Variants in PAQR9 observed in about 807,000 individuals in gnomAD.
The protein encoded by PAQR9 is progestin and adipoQ receptor family member 9.
A neutral mutation model predicts 24.0 loss-of-function variants in PAQR9; 12 were observed. That is an observed-to-expected ratio of 0.50 (90% CI 0.32 to 0.81). PAQR9 has a LOEUF of 0.81. Ranked by LOEUF, PAQR9 falls within the 30% of genes least tolerant of loss-of-function variation. PAQR9 has a pLI of 0.03. For missense variants in PAQR9, 418 were observed against 520.8 expected (o/e 0.80, Z 1.92); for synonymous variants, 266 against 237.6 (o/e 1.12, Z -1.10).
chr3:142,963,259 G>C lies in PAQR9; in HGVS notation c.78C>G (p.Ala26=), dbSNP rs1934947625. The part of the protein sequence containing the change: ...PAPAPAASGA[A]RNSHSAASRD... ...GGGAGGCGGCAGAGTGGGAGTTCCGGGCGGCCCCCGAAGCTGCCGGGGCCG... is the reference window on the plus strand; with the variant it reads ...GGGAGGCGGCAGAGTGGGAGTTCCGCGCGGCCCCCGAAGCTGCCGGGGCCG... The change falls in exon 1 of 1, where the codon GCC becomes GCG. Residue 26 remains alanine (A), a synonymous_variant. Transcript: ENST00000340634. 2.0e-6 allele frequency: 3 copies of C among 1,525,666 alleles called. No homozygotes were observed. Among genetic ancestry groups the C allele is most frequent in the Admixed American group, 2.0e-5 (1 of 49,478 alleles). 94.5% of individuals were successfully genotyped at this position (1,525,666 alleles called of 1,614,324 possible).
rs954823096 is a variant in PAQR9 at position 142,955,976 on chromosome 3, A to T, written c.*6227T>A. ...TTGAGTAAGAGCTCAAGGTGATTAA[A>T]CTCACCGGATAAAGATGAGTCTTTC... On this transcript the variant is annotated 3_prime_UTR_variant, in exon 1 of 1. Transcript: ENST00000340634. Among the ~76,000 whole-genome samples the T allele has an allele frequency of 5.3e-5, 8 of 152,110 alleles. No homozygotes were observed. The highest frequency in any genetic ancestry group is 1.2e-4 in the Non-Finnish European group (8 of 68,012).
rs1348428224 is a variant in PAQR9 at position 142,957,267 on chromosome 3, C to T, written c.*4936G>A. Among the ~76,000 whole-genome samples, 3 of 152,212 alleles carry T rather than the reference C, an allele frequency of 2.0e-5. No individual in the cohort carries two copies. Among genetic ancestry groups the T allele is most frequent in the Admixed American group, 6.5e-5 (1 of 15,280 alleles). ...AGAATTCCTTGCCTGTCTACTCGAA[C>T]ACTAACACCCTGGGAGTTCACATGC... On this transcript the variant is annotated 3_prime_UTR_variant, in exon 1 of 1. Transcript: ENST00000340634.
At chr3:142,949,730 GTC>G (rs1167741687), downstream of PAQR9, 3 of 152,146 alleles carry the variant, frequency 2.0e-5, no homozygotes, top group East Asian at 5.8e-4. Flanking sequence ...TAATTCAAAA[GTC>G]TTGTCTCTAT....
In PAQR9 at chr3:142,955,996, T is replaced by A. The variant is rs979456746; in HGVS notation, c.*6207A>T. Among the ~76,000 whole-genome samples the A allele has an allele frequency of 6.6e-6, 1 of 152,144 alleles. No individual in the cohort carries two copies. Among genetic ancestry groups the A allele is most frequent in the African/African-American group, 2.4e-5 (1 of 41,438 alleles). On this transcript the variant is annotated 3_prime_UTR_variant, in exon 1 of 1. Transcript: ENST00000340634. ...ATTAAACTCACCGGATAAAGATGAG[T>A]CTTTCCAAAAAGCTCTGGTTCTCAC...
chr3:142,951,785 G>C (rs1481172342), downstream of PAQR9: 3 of 456,474 alleles, frequency 6.6e-6, no homozygotes, highest in Non-Finnish European at 1.3e-5. Context: ...TTGATGTCAG[G>C]CATGAAAGTC....
upstream of PAQR9, chr3:142,963,987 C>G (rs1357209251): frequency 4.6e-6 from 3 of 648,824 alleles, no homozygotes; most frequent in Non-Finnish European, 5.7e-6. Context: ...CCGACAGCCA[C>G]GCGGGCGTTC....
chr3:142,950,844 AC>A (rs2108237117), downstream of PAQR9, among the ~76,000 whole-genome samples: 1 of 152,264 alleles, frequency 6.6e-6, no homozygotes, highest in South Asian at 2.1e-4. Context: ...GAAAGAGGAA[AC>A]CAAGCAGTGC....
At chr3:142,953,366 A>T (rs1433556312), downstream of PAQR9, among the ~76,000 whole-genome samples, 1 of 152,136 alleles carries the variant, frequency 6.6e-6, no homozygotes, top group African/African-American at 2.4e-5. Flanking sequence ...AGGGGACAAG[A>T]GTGCTTCGAT....
At position 142,956,090 on chromosome 3, in the gene PAQR9, C is replaced by A. The variant is rs1934787149; in HGVS notation, c.*6113G>T. ...ACTTTACAAATATAAAATTAAAATA[C>A]TTTTTTAAAAAATTTTCCCAGGAAT... On this transcript the variant is annotated 3_prime_UTR_variant, in exon 1 of 1. Transcript: ENST00000340634. 6.6e-6 allele frequency among the ~76,000 whole-genome samples: 1 copy of A among 152,124 alleles called. No individual in the cohort carries two copies. The highest frequency in any genetic ancestry group is 2.4e-5 in the African/African-American group (1 of 41,436).
chr3:142,954,533 G>A (rs758599607), downstream of PAQR9, among the ~76,000 whole-genome samples: 23 of 152,182 alleles, frequency 1.5e-4, no homozygotes, highest in Non-Finnish European at 3.1e-4. Context: ...GGAATACCCT[G>A]TTGCTGAAAG....
At position 142,962,864 on chromosome 3, in the gene PAQR9, T is replaced by C. The variant is rs760104597; in HGVS notation, c.473A>G (p.Tyr158Cys). 1 of 1,613,436 alleles carries C rather than the reference T, an allele frequency of 6.2e-7. No individual in the cohort carries two copies. Among genetic ancestry groups the C allele is most frequent in the Admixed American group, 1.7e-5 (1 of 60,010 alleles). Residue 158 changes from tyrosine to cysteine, a missense_variant, in exon 1 of 1, where the codon TAC becomes TGC. This residue lies in a region of PAQR9 where 230 missense variants were observed against 305.2 expected (regional missense o/e 0.75). Coordinates refer to ENST00000340634, the MANE Select transcript of PAQR9 (RefSeq NM_198504.4). ...GAAGCCGTAGTAGCTGATGGACGCG[T>C]AGTCCAGGTAGAAGAAGGCGGCGCG... is the stretch of plus-strand genomic sequence containing the variant. Reference protein sequence around the residue: ...RLRAAFFYLDYASISYYGFGS... With the variant: ...RLRAAFFYLDCASISYYGFGS...
At chr3:142,953,004 G>A (rs1156734205), downstream of PAQR9, among the ~76,000 whole-genome samples, 1 of 152,192 alleles carries the variant, frequency 6.6e-6, no homozygotes, top group Non-Finnish European at 1.5e-5. Context: ...AGCCCTCTTA[G>A]GAGTGGCCCT....
rs1934951680 is a variant in PAQR9, at chr3:142,963,372, C to T, written c.-36G>A. ...GCTCGGCTAGGGCGCGCGCAGGCGA[C>T]CTCTGGCGCCGGCTCCCGGGCGCTG... is the stretch of plus-strand genomic sequence containing the variant. On this transcript the variant is annotated 5_prime_UTR_variant, in exon 1 of 1. Coordinates refer to ENST00000340634, the MANE Select transcript of PAQR9 (RefSeq NM_198504.4). 32 of 1,171,624 alleles carry T rather than the reference C, an allele frequency of 2.7e-5. No individual in the cohort carries two copies. The highest frequency in any genetic ancestry group is 4.6e-5 in the Admixed American group (1 of 21,550). The allele number at this position is 1,171,624 out of a possible 1,614,324, so 72.6% of individuals were successfully genotyped here.
chr3:142,959,498 A>G lies in PAQR9; in HGVS notation c.*2705T>C, dbSNP rs536084686. On this transcript the variant is annotated 3_prime_UTR_variant, in exon 1 of 1. Coordinates refer to ENST00000340634, the MANE Select transcript of PAQR9 (RefSeq NM_198504.4). The stretch of plus-strand genomic sequence containing the variant: ...TTATTATATGTGGTCTACAAAATCT[A>G]AGATGGAATAGGAAAGAACAGTGGA... Among the ~76,000 whole-genome samples, 2 of 152,360 alleles carry G rather than the reference A, an allele frequency of 1.3e-5. No individual in the cohort carries two copies. Among genetic ancestry groups the G allele is most frequent in the South Asian group, 4.1e-4 (2 of 4,822 alleles).
In PAQR9 at chr3:142,958,437, T is replaced by C. The variant is rs1228258931; in HGVS notation, c.*3766A>G. On this transcript the variant is annotated 3_prime_UTR_variant, in exon 1 of 1. Transcript: ENST00000340634. Reference sequence around the variant, plus strand: ...CTTAATCCTGTCACCTTGGACCAACTATAAAGCTTTGAAATGGAGATAACT... The same window carrying C: ...CTTAATCCTGTCACCTTGGACCAACCATAAAGCTTTGAAATGGAGATAACT... Among the ~76,000 whole-genome samples, 1 of 152,244 alleles carries C rather than the reference T, an allele frequency of 6.6e-6. No individual in the cohort carries two copies. Among genetic ancestry groups the C allele is most frequent in the Non-Finnish European group, 1.5e-5 (1 of 68,040 alleles).
chr3:142,963,086 G>A lies in PAQR9; in HGVS notation c.251C>T (p.Thr84Met). 1 of 1,614,096 alleles carries A rather than the reference G, an allele frequency of 6.2e-7. No individual in the cohort carries two copies. Among genetic ancestry groups the A allele is most frequent in the Non-Finnish European group, 8.5e-7 (1 of 1,179,980 alleles). The part of the protein sequence containing the change: ...LASVLKPTNE[T>M]LNFWTHFIPL... Reference sequence around the variant, plus strand: ...GATGAAGTGCGTCCAGAAGTTGAGCGTCTCGTTGGTAGGCTTCAGCACCGA... The same window carrying A: ...GATGAAGTGCGTCCAGAAGTTGAGCATCTCGTTGGTAGGCTTCAGCACCGA... Residue 84 changes from threonine to methionine, a missense_variant, in exon 1 of 1, where the codon ACG becomes ATG. This residue lies in a region of PAQR9 where 180 missense variants were observed against 190.3 expected (regional missense o/e 0.95). Coordinates refer to ENST00000340634, the MANE Select transcript of PAQR9 (RefSeq NM_198504.4).
downstream of PAQR9, chr3:142,951,455 C>A: frequency 3.9e-6 from 1 of 258,290 alleles, no homozygotes; most frequent in South Asian, 3.8e-5. Context: ...GACTACTTGC[C>A]AATGATTGAT....
rs769809486 is a variant in PAQR9, at chr3:142,962,258, A to T, written c.1079T>A (p.Leu360Gln). ...TAGGAACTTCCTGATTACCAGCCCC[A>T]GGCAGACCACCAGCAGCAGCATGTA... ...VGYMLLLVVC[L>Q]GLVIRKFLNS... Residue 360 changes from leucine to glutamine, a missense_variant, in exon 1 of 1, where the codon CTG (leucine) becomes CAG (glutamine). Leu to Gln is a moderately radical substitution (Grantham distance 113, BLOSUM62 -2). Transcript: ENST00000340634. 1 of 1,614,132 alleles carries T rather than the reference A, an allele frequency of 6.2e-7. No individual in the cohort carries two copies. Among genetic ancestry groups the T allele is most frequent in the African/African-American group, 1.3e-5 (1 of 75,052 alleles).
At position 142,961,122 on chromosome 3, in the gene PAQR9, C is replaced by T. The variant is rs191391078; in HGVS notation, c.*1081G>A. 1 of 152,666 alleles carries T rather than the reference C, an allele frequency of 6.6e-6. No individual in the cohort carries two copies. The highest frequency in any genetic ancestry group is 1.9e-4 in the East Asian group (1 of 5,174). The allele number at this position is 152,666 out of a possible 1,614,324, so 9.5% of individuals were successfully genotyped here. On this transcript the variant is annotated 3_prime_UTR_variant, in exon 1 of 1. Transcript: ENST00000340634. The stretch of plus-strand genomic sequence containing the variant: ...CCCACCAAAAACTTGAAACCAACAC[C>T]ATCTTCTGCCCTCCTGGATGGACCA...
Sources: gnomAD v4.1 joint callset for allele counts (sites outside exome capture counted in the v4.1 genomes callset) on GRCh38, gnomAD v4.1.1 for gene constraint, gnomAD v4.1.1 regional missense constraint, MANE v1.5 for transcripts, NCBI Gene and HGNC (gene_info 2026-07-23, HGNC 2026-07-21) for gene names.